Variants in SLC2A8 observed in about 807,000 individuals in gnomAD.
The protein encoded by SLC2A8 is solute carrier family 2, facilitated glucose transporter member 8.
SLC2A8 carries 53 observed loss-of-function variants against 49.2 expected under a neutral mutation model. The observed-to-expected ratio is 1.08, with a 90% CI of 0.86 to 1.35. The LOEUF is 1.35. Among genes scored for constraint, SLC2A8 ranks in the 40% most tolerant of loss-of-function variants. The probability of loss-of-function intolerance (pLI) is 0.00; values close to 1 mark genes in which losing one functional copy is unlikely to be tolerated. For synonymous variants in SLC2A8, 299 were observed against 297.0 expected (o/e 1.01, Z -0.07); for missense variants, 688 against 671.7 (o/e 1.02, Z -0.27).
At position 127,403,961 on chromosome 9, in the gene SLC2A8, C is replaced by A; in HGVS notation, c.870C>A (p.Asp290Glu). 1.2e-6 allele frequency: 2 copies of A among 1,611,156 alleles called. No individual in the cohort carries two copies. The highest frequency in any genetic ancestry group is 2.2e-5 in the East Asian group (1 of 44,764). The change falls in exon 7 of 10, where the codon GAC becomes GAA. Residue 290 changes from aspartate (D) to glutamate (E), a missense_variant and splice_region_variant. Asp to Glu is a conservative substitution (Grantham distance 45). Coordinates refer to ENST00000373371, the MANE Select transcript of SLC2A8 (RefSeq NM_014580.5). ...ETIFEEAKFK[D>E]SSLASVVVGV... Reference sequence around the variant, plus strand: ...TGCCTGGGCTCTGTCTCCCCCAGGACAGCAGCCTGGCCTCGGTCGTCGTGG... The same window carrying A: ...TGCCTGGGCTCTGTCTCCCCCAGGAAAGCAGCCTGGCCTCGGTCGTCGTGG...
At chr9:127,404,564 C>T (rs1211245871) in intron 7 of SLC2A8, 5 of 506,404 alleles carry the variant, frequency 9.9e-6, no homozygotes, top group Admixed American at 3.5e-5. Context: ...GAGGGTTACT[C>T]GCTGCTGCTT....
At position 127,402,736 on chromosome 9, in the gene SLC2A8, C is replaced by T. The variant is rs1833339610; in HGVS notation, c.706C>T (p.Pro236Ser). ...WGSEQGWEDP[P>S]IGAEQSFHLA... Reference sequence around the variant, plus strand: ...CTCCGAGCAGGGCTGGGAAGACCCCCCCATCGGGGCTGAGCAGGTGAGAGG... The same window carrying T: ...CTCCGAGCAGGGCTGGGAAGACCCCTCCATCGGGGCTGAGCAGGTGAGAGG... The change falls in exon 5 of 10, where the codon CCC (proline) becomes TCC (serine). Residue 236 changes from proline (P) to serine (S), a missense_variant. Pro to Ser is a moderately conservative substitution (Grantham distance 74, BLOSUM62 -1). Transcript: ENST00000373371. 6.5e-6 allele frequency: 10 copies of T among 1,547,976 alleles called. No homozygotes were observed. The highest frequency in any genetic ancestry group is 7.8e-6 in the Non-Finnish European group (9 of 1,146,788).
chr9:127,407,163 T>C lies in SLC2A8; in HGVS notation c.1348T>C (p.Phe450Leu), dbSNP rs1018020605. 6.2e-7 allele frequency: 1 copy of C among 1,613,600 alleles called. No homozygotes were observed. The highest frequency in any genetic ancestry group is 8.5e-7 in the Non-Finnish European group (1 of 1,180,014). Reference protein sequence around the residue: ...AFWLASAFCIFSVLFTLFCVP... With the variant: ...AFWLASAFCILSVLFTLFCVP... Reference sequence around the variant, plus strand: ...CTGGCTTGCCTCCGCTTTCTGCATCTTCAGTGTCCTTTTCACTTTGTTCTG... The same window carrying C: ...CTGGCTTGCCTCCGCTTTCTGCATCCTCAGTGTCCTTTTCACTTTGTTCTG... The change falls in exon 10 of 10, where the codon TTC becomes CTC. Residue 450 changes from phenylalanine to leucine, a missense_variant. Coordinates refer to ENST00000373371, the MANE Select transcript of SLC2A8 (RefSeq NM_014580.5).
In SLC2A8 at chr9:127,398,029, C is replaced by T. The variant is rs746614790; in HGVS notation, c.344C>T (p.Thr115Ile). ...VPFVAGFAVI[T>I]AAQDVWMLLG... is the part of the protein sequence containing the mutation. ...TTCGTGGCCGGCTTTGCCGTCATCA[C>T]CGCGGCCCAGGACGTGTGGATGCTG... The change falls in exon 3 of 10, where the codon ACC (threonine) becomes ATC (isoleucine). Residue 115 changes from threonine (T) to isoleucine (I), a missense_variant. Physicochemically the swap from Thr to Ile is moderately conservative, Grantham distance 89. Transcript: ENST00000373371. The T allele has an allele frequency of 1.3e-6, 2 of 1,579,276 alleles. No homozygotes were observed. The highest frequency in any genetic ancestry group is 1.7e-5 in the Admixed American group (1 of 57,384).
At position 127,399,113 on chromosome 9, in the gene SLC2A8, G is replaced by A. The variant is rs1833166749; in HGVS notation, c.427-794G>A. 1.3e-5 allele frequency among the ~76,000 whole-genome samples: 2 copies of A among 152,176 alleles called. No individual in the cohort carries two copies. Among genetic ancestry groups the A allele is most frequent in the African/African-American group, 4.8e-5 (2 of 41,422 alleles). ...GGCCTGGTGGCCTGTGGGCCCAGGAGGGAGCTAGTGGCAGCCACTGGTAGT... is the reference window on the plus strand; with the variant it reads ...GGCCTGGTGGCCTGTGGGCCCAGGAAGGAGCTAGTGGCAGCCACTGGTAGT... On this transcript the variant is annotated intron_variant, in intron 3 of 9. Transcript: ENST00000373371. This position sits in a 1 kb window ranked among gnomAD's most constrained non-coding sequence, Gnocchi z 4.2.
At chr9:127,397,793 G>C in intron 2 of SLC2A8, 112 bp from the exon 3 acceptor site, 1 of 1,215,688 alleles carries the variant, frequency 8.2e-7, no homozygotes. Context: ...CCCTCCCCTC[G>C]GGACGGGCGC....
At position 127,407,296 on chromosome 9, in the gene SLC2A8, C is replaced by T. The variant is rs769605888; in HGVS notation, c.*47C>T. 7 of 1,609,792 alleles carry T rather than the reference C, an allele frequency of 4.3e-6. No homozygotes were observed. In the African/African-American group the frequency reaches 8.0e-5, roughly 18 times the overall value. On this transcript the variant is annotated 3_prime_UTR_variant, in exon 10 of 10. Coordinates refer to ENST00000373371, the MANE Select transcript of SLC2A8 (RefSeq NM_014580.5). ...AGCAAGCCTGTGACTCCAAGCTGGG[C>T]CCAAGCCCAGAGCCCCTGCCTGCCC...
intron 3 of SLC2A8, 191 bp downstream of exon 3, chr9:127,398,302 T>G: frequency 1.3e-6 from 1 of 787,024 alleles, no homozygotes; most frequent in East Asian, 2.4e-5. Context: ...CTCTCCATTT[T>G]ACACTGAGGT....
In SLC2A8 at chr9:127,397,224, C is replaced by G. The variant is rs903118261; in HGVS notation, c.-7C>G. 1 of 1,458,600 alleles carries G rather than the reference C, an allele frequency of 6.9e-7. No homozygotes were observed. Among genetic ancestry groups the G allele is most frequent in the East Asian group, 3.0e-5 (1 of 33,402 alleles). The allele number at this position is 1,458,600 out of a possible 1,614,324, so 90.4% of individuals were successfully genotyped here. On this transcript the variant is annotated 5_prime_UTR_variant, in exon 1 of 10. Transcript: ENST00000373371. ...CCAGAGCTGGCCGATCGGCGTTGGC[C>G]GCCGACATGACGCCCGAGGACCCAG... is the stretch of plus-strand genomic sequence containing the variant.
chr9:127,407,193 C>G lies in SLC2A8; in HGVS notation c.1378C>G (p.Pro460Ala). The G allele has an allele frequency of 6.2e-7, 1 of 1,613,600 alleles. No homozygotes were observed. The highest frequency in any genetic ancestry group is 1.6e-4 in the Middle Eastern group (1 of 6,062). The change falls in exon 10 of 10, where the codon CCT (proline) becomes GCT (alanine). Residue 460 changes from proline to alanine, a missense_variant. Pro to Ala is a conservative substitution (Grantham distance 27, BLOSUM62 -1). Coordinates refer to ENST00000373371, the MANE Select transcript of SLC2A8 (RefSeq NM_014580.5). ...FSVLFTLFCV[P>A]ETKGKTLEQI... The stretch of plus-strand genomic sequence containing the variant: ...TGTCCTTTTCACTTTGTTCTGTGTC[C>G]CTGAAACTAAAGGAAAGACTCTGGA...
At chr9:127,406,558 ATC>A (rs1833499772) in intron 9 of SLC2A8, among the ~76,000 whole-genome samples, 2 of 132,830 alleles carry the variant, frequency 1.5e-5, no homozygotes, top group Non-Finnish European at 3.4e-5. Context: ...GGAGGGAGAG[ATC>A]GCCAGGTCCC....
In SLC2A8 at chr9:127,405,446, C is replaced by G. The variant is rs1833458727; in HGVS notation, c.1177C>G (p.Pro393Ala). 1 of 1,612,900 alleles carries G rather than the reference C, an allele frequency of 6.2e-7. No homozygotes were observed. The highest frequency in any genetic ancestry group is 1.3e-5 in the African/African-American group (1 of 75,050). The change falls in exon 9 of 10, where the codon CCC becomes GCC. Residue 393 changes from proline (P) to alanine (A), a missense_variant. Pro to Ala is a conservative substitution (Grantham distance 27). Coordinates refer to ENST00000373371, the MANE Select transcript of SLC2A8 (RefSeq NM_014580.5). ...AGFAVGWGPI[P>A]WLLMSEIFPL... ...CTTTGCGGTGGGCTGGGGGCCCATCCCCTGGCTCCTCATGTCAGAGATCTT... is the reference window on the plus strand; with the variant it reads ...CTTTGCGGTGGGCTGGGGGCCCATCGCCTGGCTCCTCATGTCAGAGATCTT...
chr9:127,398,177 G>A (rs1833120058), intron 3 of SLC2A8, 66 bp downstream of exon 3: 1 of 1,485,510 alleles, frequency 6.7e-7, no homozygotes, highest in Non-Finnish European at 9.2e-7. Flanking sequence ...GGGACAAACC[G>A]CTCCCCAGGC....
rs1833076079 is a variant in SLC2A8, at chr9:127,397,527, T to A, written c.208T>A (p.Ser70Thr). The change falls in exon 2 of 10, where the codon TCC (serine) becomes ACC (threonine). Residue 70 changes from serine (S) to threonine (T), a missense_variant. Transcript: ENST00000373371. Reference protein sequence around the residue: ...PAPRLDDAAASWFGAVVTLGA... With the variant: ...PAPRLDDAAATWFGAVVTLGA... ...CCCGCGCCTGGACGACGCCGCCGCC[T>A]CCTGGTTCGGGGTGAGGCCCCGGGC... 3.5e-6 allele frequency: 5 copies of A among 1,420,562 alleles called. No homozygotes were observed. Among genetic ancestry groups the A allele is most frequent in the Middle Eastern group, 2.4e-4 (1 of 4,110 alleles). 88.0% of individuals were successfully genotyped at this position (1,420,562 alleles called of 1,614,324 possible). A position where few individuals can be genotyped will look rare whatever the true frequency, so the allele number is the denominator to read the frequency against.
Position 127,407,129 on chromosome 9 carries a change from T to C in SLC2A8, c.1314T>C (p.Tyr438=). 1 of 1,613,578 alleles carries C rather than the reference T, an allele frequency of 6.2e-7. No homozygotes were observed. The highest frequency in any genetic ancestry group is 8.5e-7 in the Non-Finnish European group (1 of 1,180,010). ...FSSLMEVLRP[Y]GAFWLASAFC... ...CTCTGCAGGAGGTCCTCAGGCCCTA[T>C]GGAGCCTTCTGGCTTGCCTCCGCTT... Residue 438 remains tyrosine (Y), a synonymous_variant, in exon 10 of 10, where the codon TAT becomes TAC. Transcript: ENST00000373371.
At position 127,398,327 on chromosome 9, in the gene SLC2A8, T is replaced by C; in HGVS notation, c.426+216T>C. On this transcript the variant is annotated intron_variant, in intron 3 of 9. Coordinates refer to ENST00000373371, the MANE Select transcript of SLC2A8 (RefSeq NM_014580.5). ...TACACTGAGGTCATGACATGCAGTCTCGGAAAGGTGAAGTCCTTTGCCCAG... is the reference window on the plus strand; with the variant it reads ...TACACTGAGGTCATGACATGCAGTCCCGGAAAGGTGAAGTCCTTTGCCCAG... 6.4e-6 allele frequency: 5 copies of C among 781,100 alleles called. No homozygotes were observed. In the South Asian group the frequency reaches 6.8e-5, roughly 11 times the overall value. 48.4% of individuals were successfully genotyped at this position (781,100 alleles called of 1,614,324 possible).
At chr9:127,401,528 C>A (rs561830744) in intron 4 of SLC2A8, among the ~76,000 whole-genome samples, 36 of 152,346 alleles carry the variant, frequency 2.4e-4, no homozygotes, top group South Asian at 1.2e-3. Flanking sequence ...TAAACCAAAG[C>A]CCCCACTGTG....
At chr9:127,402,416 T>C in intron 4 of SLC2A8, 141 bp from the exon 5 acceptor site, 2 of 1,301,710 alleles carry the variant, frequency 1.5e-6, no homozygotes, top group South Asian at 3.3e-5. Context: ...GTTGTGATAA[T>C]GGCAATGTCA....
At chr9:127,397,686 C>T (rs1419506030) in intron 2 of SLC2A8, 148 bp downstream of exon 2, 2 of 1,177,586 alleles carry the variant, frequency 1.7e-6, no homozygotes, top group Admixed American at 3.6e-5. Context: ...AGGCATTGGG[C>T]CTCTCTGCCC....
Sources: gnomAD v4.1 joint callset for allele counts (sites outside exome capture counted in the v4.1 genomes callset) on GRCh38, gnomAD v4.1.1 for gene constraint, Gnocchi (gnomAD v3.1) non-coding constraint, MANE v1.5 for transcripts, NCBI Gene and HGNC (gene_info 2026-07-23, HGNC 2026-07-21) for gene names.